The following EDIL3 variants were observed in gnomAD, a reference collection of about 807,000 sequenced individuals.
EDIL3 encodes EGF like and discoidin domains 3.
Under a neutral mutation model 67.4 loss-of-function variants are expected in EDIL3, and 37 were observed. That is an observed-to-expected ratio of 0.55 (90% CI 0.42 to 0.72). The LOEUF (loss-of-function observed/expected upper bound fraction) is 0.72. Among genes scored for constraint, EDIL3 ranks in the 30% least tolerant of loss-of-function variants. The pLI is 0.00. For synonymous variants in EDIL3, 195 were observed against 196.3 expected (o/e 0.99, Z 0.05); for missense variants, 527 against 586.3 (o/e 0.90, Z 1.04).
chr5:84,106,326 C>A (rs1359937439), intron 6 of EDIL3, among the ~76,000 whole-genome samples: 1 of 152,066 alleles, frequency 6.6e-6, no homozygotes, highest in Admixed American at 6.6e-5. Context: ...CTTAAAGTAT[C>A]ATAAGTTGCT....
intron 1 of EDIL3, among the ~76,000 whole-genome samples, chr5:84,311,377 C>T (rs1746387217): frequency 8.1e-6 from 1 of 123,658 alleles, no homozygotes; most frequent in African/African-American, 3.0e-5. Context: ...TGTTCAAAAG[C>T]TTGCAAAAAC....
chr5:84,105,783 T>C (rs1747449466), intron 6 of EDIL3, among the ~76,000 whole-genome samples: 1 of 152,034 alleles, frequency 6.6e-6, no homozygotes, highest in South Asian at 2.1e-4. Context: ...GCATCTTTAA[T>C]CAGGCTGTTC....
At chr5:84,010,986 G>T (rs1745507591) in intron 9 of EDIL3, among the ~76,000 whole-genome samples, 1 of 152,146 alleles carries the variant, frequency 6.6e-6, no homozygotes, top group Admixed American at 6.6e-5. Context: ...TGTAAAATGG[G>T]ATGAAACAAG....
At chr5:84,286,113 C>A (rs192338929) in intron 1 of EDIL3, among the ~76,000 whole-genome samples, 1 of 152,218 alleles carries the variant, frequency 6.6e-6, no homozygotes, top group East Asian at 1.9e-4. Flanking sequence ...TGTAGTCAGG[C>A]TGCATAAATA....
intron 1 of EDIL3, among the ~76,000 whole-genome samples, chr5:84,300,852 C>T (rs749405285): frequency 6.6e-6 from 1 of 152,040 alleles, no homozygotes; most frequent in Non-Finnish European, 1.5e-5. Context: ...TGTATACCAT[C>T]ATTAAGTGGT....
At chr5:84,367,383 G>GT (rs1170538673) in intron 1 of EDIL3, among the ~76,000 whole-genome samples, 1 of 151,918 alleles carries the variant, frequency 6.6e-6, no homozygotes, top group Admixed American at 6.6e-5. Flanking sequence ...AACAAACATA[G>GT]TAAGTGCAAT....
chr5:84,105,829 T>TCA (rs1460246382), intron 6 of EDIL3, among the ~76,000 whole-genome samples: 1 of 152,062 alleles, frequency 6.6e-6, no homozygotes, highest in Non-Finnish European at 1.5e-5. Context: ...GCCATCCTTC[T>TCA]CAGGCCTAGC....
chr5:84,274,099 T>C (rs1745528081), intron 1 of EDIL3, among the ~76,000 whole-genome samples: 1 of 152,098 alleles, frequency 6.6e-6, no homozygotes, highest in African/African-American at 2.4e-5. Flanking sequence ...TAAAATATTT[T>C]ATTTATTTAT....
intron 3 of EDIL3, among the ~76,000 whole-genome samples, chr5:84,190,522 G>T (rs906475248): frequency 2.0e-5 from 3 of 149,646 alleles, no homozygotes; most frequent in African/African-American, 7.4e-5. Context: ...ACAGAGCAGA[G>T]ACCAGTATTT....
At chr5:84,165,675 A>G (rs77795079) in intron 4 of EDIL3, among the ~76,000 whole-genome samples, 3,343 of 152,240 alleles carry the variant, frequency 0.022, 121 homozygotes, top group African/African-American at 0.076. Context: ...GCAGCAAGAG[A>G]GGCAAATGGC....
chr5:84,221,224 A>G (rs907179329), intron 3 of EDIL3, among the ~76,000 whole-genome samples: 3 of 152,160 alleles, frequency 2.0e-5, no homozygotes, highest in African/African-American at 7.2e-5. Context: ...TTATTTAACA[A>G]TAAGATTTTA....
chr5:84,194,126 T>G (rs187488456), intron 3 of EDIL3, among the ~76,000 whole-genome samples: 167 of 152,020 alleles, frequency 1.1e-3, no homozygotes, highest in Middle Eastern at 3.4e-3. Flanking sequence ...ACATGGAGAA[T>G]GAAATACGTG....
At chr5:84,218,951 C>T (rs1225369647) in intron 3 of EDIL3, among the ~76,000 whole-genome samples, 1 of 152,212 alleles carries the variant, frequency 6.6e-6, no homozygotes, top group Non-Finnish European at 1.5e-5. Context: ...GCAAACGACA[C>T]AAGCCTGGCT....
At position 84,081,437 on chromosome 5, in the gene EDIL3, G is replaced by A. The variant is rs570816738; in HGVS notation, c.652-14831C>T. 3.9e-5 allele frequency among the ~76,000 whole-genome samples: 6 copies of A among 152,306 alleles called. 1 individual carries two copies. In the South Asian group the frequency reaches 1.2e-3, roughly 32 times the overall value. On this transcript the variant is annotated intron_variant, in intron 6 of 10. Coordinates refer to ENST00000296591, the MANE Select transcript of EDIL3 (RefSeq NM_005711.5). Reference sequence around the variant, plus strand: ...AAGAGGAATAAAAAGAGCAAACGATGTCAGCACATGAGTAGAAATGCTAAT... The same window carrying A: ...AAGAGGAATAAAAAGAGCAAACGATATCAGCACATGAGTAGAAATGCTAAT...
At chr5:84,074,616 C>G (rs1377519292) in intron 6 of EDIL3, among the ~76,000 whole-genome samples, 7 of 151,638 alleles carry the variant, frequency 4.6e-5, no homozygotes. Flanking sequence ...CATCACTGGC[C>G]ATCAGCGAAA....
intron 9 of EDIL3, among the ~76,000 whole-genome samples, chr5:83,992,124 C>T (rs1397280666): frequency 6.6e-6 from 1 of 152,102 alleles, no homozygotes. Flanking sequence ...CATGCAAGAA[C>T]AATAGTGGAT....
At chr5:84,382,452 C>CTA (rs1334913064) in intron 1 of EDIL3, among the ~76,000 whole-genome samples, 4 of 152,052 alleles carry the variant, frequency 2.6e-5, no homozygotes, top group African/African-American at 9.7e-5. Context: ...ATAGGCTAGA[C>CTA]GCACTATCTT....
intron 1 of EDIL3, among the ~76,000 whole-genome samples, chr5:84,287,926 T>C (rs1213600592): frequency 1.3e-5 from 2 of 152,082 alleles, no homozygotes; most frequent in African/African-American, 4.8e-5. Context: ...TCTATACTCA[T>C]TCCCTTTGTA....
intron 6 of EDIL3, among the ~76,000 whole-genome samples, chr5:84,105,526 C>T (rs1262237989): frequency 6.6e-6 from 1 of 151,952 alleles, no homozygotes; most frequent in Non-Finnish European, 1.5e-5. Flanking sequence ...TATAGTACAC[C>T]TAATTATGTC....
Sources: allele counts gnomAD v4.1 joint callset (sites outside exome capture counted in the v4.1 genomes callset), GRCh38; gene constraint gnomAD v4.1.1; transcripts MANE v1.5; gene names NCBI Gene and HGNC (gene_info 2026-07-23, HGNC 2026-07-21).